The following TC2N variants were observed in gnomAD, a reference collection of about 807,000 sequenced individuals.
The protein encoded by TC2N is tandem C2 domains, nuclear, also known as tandem C2 domains nuclear protein.
Under a neutral mutation model 61.9 loss-of-function variants are expected in TC2N, and 51 were observed. The ratio of observed to expected loss-of-function variants is 0.82; its 90% confidence interval spans 0.66 to 1.04. TC2N has a LOEUF of 1.04. TC2N is among the 50% of genes least tolerant of loss of function. The pLI, the probability that TC2N is intolerant of heterozygous loss-of-function variation, is 0.00. For missense variants in TC2N, 556 were observed against 566.7 expected, an observed-to-expected ratio of 0.98 and a Z score of 0.19; for synonymous variants, 204 against 192.6, an observed-to-expected ratio of 1.06 and a Z score of -0.49.
chr14:91,799,987 AT>A (rs1202179061), intron 5 of TC2N, among the ~76,000 whole-genome samples: 4 of 152,134 alleles, frequency 2.6e-5, no homozygotes, highest in Non-Finnish European at 5.9e-5. Flanking sequence ...AGCTAAATTA[AT>A]AAGCACTTTT....
chr14:91,799,318 G>A (rs1490880119), intron 5 of TC2N, among the ~76,000 whole-genome samples: 2 of 151,956 alleles, frequency 1.3e-5, no homozygotes, highest in African/African-American at 4.8e-5. Context: ...TTGTAATAAG[G>A]AGAAAGATAT....
In TC2N at chr14:91,834,789, C is replaced by T. The variant is rs997143494; in HGVS notation, c.-56-20964G>A. Among the ~76,000 whole-genome samples the T allele has an allele frequency of 1.5e-4, 23 of 152,160 alleles. 1 individual carries two copies. Among genetic ancestry groups the T allele is most frequent in the Admixed American group, 6.5e-5 (1 of 15,278 alleles). ...CCCTAGATTTCCTCCTTTCCTGATGCTCTTCCTCAGACTCCTTGGCTGTCT... is the reference window on the plus strand; with the variant it reads ...CCCTAGATTTCCTCCTTTCCTGATGTTCTTCCTCAGACTCCTTGGCTGTCT... On this transcript the variant is annotated intron_variant, in intron 1 of 11. Coordinates refer to ENST00000435962, the MANE Select transcript of TC2N (RefSeq NM_001128596.3).
At chr14:91,823,452 G>A (rs930812157) in intron 1 of TC2N, among the ~76,000 whole-genome samples, 19 of 151,638 alleles carry the variant, frequency 1.3e-4, no homozygotes, top group African/African-American at 3.2e-4. Flanking sequence ...CCCGGGAGGC[G>A]GAGGTTGCAG....
At position 91,787,561 on chromosome 14, in the gene TC2N, T is replaced by C; in HGVS notation, c.1114A>G (p.Ile372Val). The change falls in exon 10 of 12, where the codon ATT becomes GTT. Residue 372 changes from isoleucine (I) to valine (V), a missense_variant. By Grantham distance (29) the Ile-to-Val change is conservative (BLOSUM62 3). Transcript: ENST00000435962. The stretch of plus-strand genomic sequence containing the variant: ...CTTGGAAGGTACCGTGCCTCAAGAA[T>C]TTGTAACTGAATTCTGCTATTTACT... ...QAVNSRIQLQ[I>V]LEARYLPSSS... 1 of 1,613,100 alleles carries C rather than the reference T, an allele frequency of 6.2e-7. No homozygotes were observed. The highest frequency in any genetic ancestry group is 1.1e-5 in the South Asian group (1 of 90,864).
intron 1 of TC2N, among the ~76,000 whole-genome samples, chr14:91,827,202 T>G (rs1214756684): frequency 6.6e-6 from 1 of 152,198 alleles, no homozygotes; most frequent in Non-Finnish European, 1.5e-5. Flanking sequence ...TTTTTTTCCC[T>G]CCAATAGCTT....
In TC2N at chr14:91,798,979, TA is replaced by T; in HGVS notation, c.637+9del. 2 of 1,573,894 alleles carry T rather than the reference TA, an allele frequency of 1.3e-6. No individual in the cohort carries two copies. Among genetic ancestry groups the T allele is most frequent in the South Asian group, 2.3e-5 (2 of 88,836 alleles). On this transcript the variant is annotated intron_variant, in intron 6 of 11. Coordinates refer to ENST00000435962, the MANE Select transcript of TC2N (RefSeq NM_001128596.3). ...TTAAGAGTATAAAAGTAGGATACTT[TA>T]TTCCTTACCCAGGCTTCTGTTACTC...
chr14:91,806,931 C>G (rs974535924), intron 3 of TC2N, among the ~76,000 whole-genome samples: 1 of 152,220 alleles, frequency 6.6e-6, no homozygotes, highest in Non-Finnish European at 1.5e-5. Flanking sequence ...ATGGGCCAGG[C>G]CCAGGGCCCC....
chr14:91,866,517 T>A (rs1410156817), intron 1 of TC2N: 1 of 152,236 alleles, frequency 6.6e-6, no homozygotes, highest in Non-Finnish European at 1.5e-5. Context: ...ATGAACGTTT[T>A]CACCCACATG....
chr14:91,820,695 C>A, intron 1 of TC2N, among the ~76,000 whole-genome samples: 1 of 117,052 alleles, frequency 8.5e-6, no homozygotes, highest in African/African-American at 2.9e-5. Context: ...ACAACAAGAT[C>A]TTGTAAATAA....
At chr14:91,853,173 G>A (rs1171521654) in intron 1 of TC2N, among the ~76,000 whole-genome samples, 2 of 152,202 alleles carry the variant, frequency 1.3e-5, no homozygotes, top group Non-Finnish European at 2.9e-5. Context: ...TGGAGAGTTT[G>A]GAGTTGAGAA....
At chr14:91,830,315 G>A (rs556760367) in intron 1 of TC2N, among the ~76,000 whole-genome samples, 1 of 152,292 alleles carries the variant, frequency 6.6e-6, no homozygotes, top group African/African-American at 2.4e-5. Context: ...ATCAATTGAT[G>A]AATGAGAAAA....
intron 1 of TC2N, among the ~76,000 whole-genome samples, chr14:91,859,438 T>G (rs1255065991): frequency 6.6e-6 from 1 of 152,166 alleles, no homozygotes; most frequent in East Asian, 1.9e-4. Context: ...CACCAAGACC[T>G]ATTGATTCCA....
Position 91,853,629 on chromosome 14 carries a change from A to AT in TC2N, c.-57+13632dup, listed in dbSNP as rs34565741. On this transcript the variant is annotated intron_variant, in intron 1 of 11. Transcript: ENST00000435962. ...GCCCTTCACTGAATTCTCTGCTTGGATTTTTTTTTTTTTTTAAAGTACACA... is the reference window on the plus strand; with the variant it reads ...GCCCTTCACTGAATTCTCTGCTTGGATTTTTTTTTTTTTTTTAAAGTACACA... 4.0e-3 allele frequency among the ~76,000 whole-genome samples: 563 copies of AT among 141,764 alleles called. 6 individuals are homozygous for AT. Among genetic ancestry groups the AT allele is most frequent in the African/African-American group, 0.013 (490 of 37,628 alleles). 93.0% of individuals were successfully genotyped at this position (141,764 alleles called of 152,430 possible).
At chr14:91,804,983 CA>C (rs1479447484) in intron 3 of TC2N, among the ~76,000 whole-genome samples, 1 of 152,104 alleles carries the variant, frequency 6.6e-6, no homozygotes, top group Admixed American at 6.5e-5. Flanking sequence ...AAATATAGGT[CA>C]AATTCCTTTC....
intron 1 of TC2N, among the ~76,000 whole-genome samples, chr14:91,850,011 T>C (rs896606480): frequency 5.3e-5 from 8 of 149,744 alleles, no homozygotes; most frequent in Non-Finnish European, 1.0e-4. Flanking sequence ...ATCACACCAT[T>C]GCATGCCAGC....
intron 1 of TC2N, among the ~76,000 whole-genome samples, chr14:91,865,379 T>G (rs577863937): frequency 4.8e-5 from 7 of 146,470 alleles, no homozygotes; most frequent in African/African-American, 7.6e-5. Flanking sequence ...GTTTTTTTTT[T>G]TTTTTTTTTT....
At chr14:91,801,924 A>G (rs1317651108) in intron 4 of TC2N, among the ~76,000 whole-genome samples, 3 of 152,162 alleles carry the variant, frequency 2.0e-5, no homozygotes, top group African/African-American at 7.2e-5. Context: ...AACACCTAAT[A>G]TCCACTCTCT....
chr14:91,798,341 A>T lies in TC2N; in HGVS notation c.696T>A (p.Phe232Leu). 1.3e-6 allele frequency: 2 copies of T among 1,596,888 alleles called. No homozygotes were observed. The highest frequency in any genetic ancestry group is 2.3e-5 in the South Asian group (2 of 88,888). ...RDFGRLNVKL[F>L]YNSSVEQIWI... Reference sequence around the variant, plus strand: ...AGATCTGTTCTACTGAAGAATTATAAAACAATTTCACATTCAGTCTCCCAA... The same window carrying T: ...AGATCTGTTCTACTGAAGAATTATATAACAATTTCACATTCAGTCTCCCAA... Residue 232 changes from phenylalanine to leucine, a missense_variant, in exon 7 of 12, where the codon TTT (phenylalanine) becomes TTA (leucine). Physicochemically the swap from Phe to Leu is conservative, Grantham distance 22. Transcript: ENST00000435962.
intron 1 of TC2N, among the ~76,000 whole-genome samples, chr14:91,843,268 A>T (rs1316537261): frequency 3.9e-5 from 6 of 152,040 alleles, no homozygotes; most frequent in African/African-American, 1.5e-4. Context: ...TGTTACATAG[A>T]AATAGTTACC....
Sources: allele counts gnomAD v4.1 joint callset (sites outside exome capture counted in the v4.1 genomes callset), GRCh38; gene constraint gnomAD v4.1.1; transcripts MANE v1.5; gene names NCBI Gene and HGNC (gene_info 2026-07-23, HGNC 2026-07-21).